NEK10: variants seen among roughly 807,000 people sequenced by gnomAD.
NEK10 encodes the protein serine/threonine-protein kinase Nek10.
A neutral mutation model predicts 159.8 loss-of-function variants in NEK10; 122 were observed. The observed-to-expected ratio is 0.76, with a 90% CI of 0.66 to 0.89. The LOEUF is 0.89. Ranked by LOEUF, NEK10 falls within the 40% of genes least tolerant of loss-of-function variation. The probability of loss-of-function intolerance (pLI) is 0.00; values close to 1 mark genes in which losing one functional copy is unlikely to be tolerated. For synonymous variants in NEK10, 466 were observed against 457.1 expected (o/e 1.02, Z -0.25); for missense variants, 1,342 against 1,323.1 (o/e 1.01, Z -0.22).
intron 29 of NEK10, among the ~76,000 whole-genome samples, chr3:27,163,725 TCTTAAA>T (rs1186781417): frequency 6.6e-6 from 1 of 152,158 alleles, no homozygotes; most frequent in African/African-American, 2.4e-5. Flanking sequence ...TAAGAATCAT[TCTTAAA>T]CTTAATGAAA....
chr3:27,160,120 A>T (rs577798029), intron 30 of NEK10, among the ~76,000 whole-genome samples: 6 of 151,736 alleles, frequency 4.0e-5, no homozygotes, highest in African/African-American at 1.2e-4. Context: ...TATTTTTTTT[A>T]AAAAAATAAA....
chr3:27,360,836 C>G (rs1353549157), intron 1 of NEK10, among the ~76,000 whole-genome samples: 1 of 152,206 alleles, frequency 6.6e-6, no homozygotes, highest in Non-Finnish European at 1.5e-5. Context: ...TAAGGACAAG[C>G]ATTATTATCA....
At chr3:27,127,715 A>G (rs1226990989) in intron 32 of NEK10, among the ~76,000 whole-genome samples, 1 of 152,172 alleles carries the variant, frequency 6.6e-6, no homozygotes, top group Non-Finnish European at 1.5e-5. Context: ...CAATGTTTTA[A>G]TTTTCCCAAC....
In NEK10 at chr3:27,307,855, C is replaced by T; in HGVS notation, c.803+4G>A. On this transcript the variant is annotated splice_donor_region_variant and intron_variant, in intron 11 of 35. Transcript: ENST00000691995. Reference sequence around the variant, plus strand: ...TTGTCTTTTTCTACTGTTAGCAATCCTACCTTTTAGAAAGCAAGTCATATT... The same window carrying T: ...TTGTCTTTTTCTACTGTTAGCAATCTTACCTTTTAGAAAGCAAGTCATATT... 7.0e-7 allele frequency: 1 copy of T among 1,434,428 alleles called. No individual in the cohort carries two copies. Among genetic ancestry groups the T allele is most frequent in the East Asian group, 2.3e-5 (1 of 43,700 alleles). The allele number at this position is 1,434,428 out of a possible 1,614,324, so 88.9% of individuals were successfully genotyped here. A position where few individuals can be genotyped will look rare whatever the true frequency, so the allele number is the denominator to read the frequency against.
chr3:27,201,920 A>G (rs11923962), intron 24 of NEK10, among the ~76,000 whole-genome samples: 35,722 of 152,054 alleles, frequency 0.23, 4,552 homozygotes, highest in Middle Eastern at 0.38. Context: ...GCAGTTTGGG[A>G]GGCCAAGGTG....
intron 23 of NEK10, among the ~76,000 whole-genome samples, chr3:27,231,151 C>T (rs550261972): frequency 6.6e-6 from 1 of 151,884 alleles, no homozygotes; most frequent in South Asian, 2.1e-4. Flanking sequence ...AAGTCAAAAT[C>T]ATATGAAGTA....
chr3:27,262,136 C>A (rs999932085), intron 22 of NEK10, among the ~76,000 whole-genome samples: 5 of 149,504 alleles, frequency 3.3e-5, no homozygotes, highest in African/African-American at 1.3e-4. Flanking sequence ...AAATTCTTTT[C>A]TTTAAGAATG....
intron 35 of NEK10, among the ~76,000 whole-genome samples, chr3:27,114,906 T>C (rs1030565822): frequency 2.6e-5 from 4 of 152,316 alleles, no homozygotes; most frequent in South Asian, 2.1e-4. Context: ...ACAACTCTTG[T>C]GTAGCAGACA....
chr3:27,324,192 A>G (rs1347371093), intron 5 of NEK10, among the ~76,000 whole-genome samples: 1 of 152,222 alleles, frequency 6.6e-6, no homozygotes, highest in Admixed American at 6.5e-5. Context: ...CAGCTGTCCC[A>G]CATCCAGTTA....
intron 20 of NEK10, among the ~76,000 whole-genome samples, chr3:27,285,207 C>T (rs139287851): frequency 0.013 from 2,028 of 152,256 alleles, 138 homozygotes; most frequent in Admixed American, 0.12. Flanking sequence ...CATAAGTTTA[C>T]ACTGGCAAAT....
chr3:27,356,192 C>T (rs1217928015), intron 1 of NEK10, among the ~76,000 whole-genome samples: 1 of 152,128 alleles, frequency 6.6e-6, no homozygotes, highest in Non-Finnish European at 1.5e-5. Flanking sequence ...CTTGGACTTC[C>T]CAGCCTCCAG....
chr3:27,194,025 G>C (rs747446589), intron 25 of NEK10: 2 of 152,018 alleles, frequency 1.3e-5, no homozygotes, highest in African/African-American at 4.8e-5. Context: ...AAAATATTTG[G>C]CCATAGACTT....
At chr3:27,155,578 T>C (rs1945324710) in intron 30 of NEK10, among the ~76,000 whole-genome samples, 1 of 149,268 alleles carries the variant, frequency 6.7e-6, no homozygotes, top group Admixed American at 6.7e-5. Context: ...GGAATATACC[T>C]AACCAAGAAG....
chr3:27,252,986 A>G (rs1390582707), intron 23 of NEK10: 5 of 445,928 alleles, frequency 1.1e-5, no homozygotes, highest in African/African-American at 8.1e-5. Flanking sequence ...TTTCTTAAGA[A>G]TTCTATCAAC....
intron 8 of NEK10, 102 bp downstream of exon 8, chr3:27,311,996 AC>A: frequency 1.3e-6 from 1 of 768,872 alleles, no homozygotes; most frequent in Non-Finnish European, 2.3e-6. Flanking sequence ...GTGTGTGCGA[AC>A]ATTAATAAAT....
At chr3:27,115,393 A>C (rs1940252208) in intron 35 of NEK10, among the ~76,000 whole-genome samples, 1 of 152,196 alleles carries the variant, frequency 6.6e-6, no homozygotes, top group Admixed American at 6.5e-5. Flanking sequence ...TAGAACACCA[A>C]CGATAGCTAT....
At chr3:27,231,881 G>A (rs1953318381) in intron 23 of NEK10, among the ~76,000 whole-genome samples, 1 of 151,832 alleles carries the variant, frequency 6.6e-6, no homozygotes, top group Non-Finnish European at 1.5e-5. Context: ...GGACAAGACA[G>A]ATTCTCAGCT....
intron 1 of NEK10, among the ~76,000 whole-genome samples, chr3:27,357,953 T>C (rs540591222): frequency 5.9e-5 from 9 of 152,252 alleles, no homozygotes; most frequent in Non-Finnish European, 1.3e-4. Context: ...CAATCTTACT[T>C]CTCTGGGGTT....
At chr3:27,335,465 A>G (rs1162750106) in intron 5 of NEK10, among the ~76,000 whole-genome samples, 11 of 152,206 alleles carry the variant, frequency 7.2e-5, no homozygotes. Flanking sequence ...TAGAAAATCA[A>G]CAAAGAAACG....
Sources: allele counts gnomAD v4.1 joint callset (sites outside exome capture counted in the v4.1 genomes callset), GRCh38; gene constraint gnomAD v4.1.1; transcripts MANE v1.5; gene names NCBI Gene and HGNC (gene_info 2026-07-23, HGNC 2026-07-21).